ADIPOR2: variants seen among roughly 807,000 people sequenced by gnomAD.
ADIPOR2 encodes the protein adiponectin receptor protein 2.
In ADIPOR2, 18 loss-of-function variants were observed where a neutral mutation model predicts 40.9. That is an observed-to-expected ratio of 0.44 (90% CI 0.30 to 0.65). The LOEUF is 0.65. Ranked by LOEUF, ADIPOR2 falls within the 30% of genes least tolerant of loss-of-function variation. ADIPOR2 has a pLI of 0.09. For synonymous variants in ADIPOR2, 165 were observed against 166.4 expected, an observed-to-expected ratio of 0.99 and a Z score of 0.06; for missense variants, 283 against 479.2, an observed-to-expected ratio of 0.59 and a Z score of 3.82.
chr12:1,775,408 G>T lies in ADIPOR2; in HGVS notation c.292-2446G>T, dbSNP rs182439500. Among the ~76,000 whole-genome samples the T allele has an allele frequency of 1.3e-3, 197 of 152,290 alleles. 1 individual carries two copies. Among genetic ancestry groups the T allele is most frequent in the African/African-American group, 4.5e-3 (188 of 41,556 alleles). Reference sequence around the variant, plus strand: ...CACTAATTGCAGTGTAATTAAGAAAGTATAGCTCCTTGTCTCAGTATTTAG... The same window carrying T: ...CACTAATTGCAGTGTAATTAAGAAATTATAGCTCCTTGTCTCAGTATTTAG... On this transcript the variant is annotated intron_variant, in intron 3 of 7. Transcript: ENST00000357103.
At chr12:1,758,871 A>G (rs1035988814) in intron 2 of ADIPOR2, among the ~76,000 whole-genome samples, 3 of 152,252 alleles carry the variant, frequency 2.0e-5, no homozygotes, top group Admixed American at 6.5e-5. Flanking sequence ...TCTCAAAACT[A>G]TACTCTGAAA....
At chr12:1,720,663 A>T (rs138491241) in intron 1 of ADIPOR2, among the ~76,000 whole-genome samples, 30 of 152,294 alleles carry the variant, frequency 2.0e-4, no homozygotes, top group South Asian at 4.1e-4. Context: ...TAATGCAAGC[A>T]GTGGGGAGCA....
chr12:1,691,098 C>T lies in ADIPOR2; in HGVS notation c.-180C>T. 6.0e-6 allele frequency: 1 copy of T among 165,678 alleles called. No individual in the cohort carries two copies. Among genetic ancestry groups the T allele is most frequent in the South Asian group, 1.3e-4 (1 of 7,720 alleles). The allele number at this position is 165,678 out of a possible 1,614,324, so 10.3% of individuals were successfully genotyped here. A position where few individuals can be genotyped will look rare whatever the true frequency, so the allele number is the denominator to read the frequency against. Reference sequence around the variant, plus strand: ...AGCGGCATCGCGGCGGCGGCAGCGGCGGCGGCTACACCGGGCTTGGCCCCC... The same window carrying T: ...AGCGGCATCGCGGCGGCGGCAGCGGTGGCGGCTACACCGGGCTTGGCCCCC... On this transcript the variant is annotated 5_prime_UTR_variant, in exon 1 of 8. Transcript: ENST00000357103.
intron 1 of ADIPOR2, among the ~76,000 whole-genome samples, chr12:1,726,201 A>AT (rs1207288272): frequency 1.1e-4 from 17 of 150,286 alleles, no homozygotes; most frequent in Middle Eastern, 3.4e-3. Context: ...TAGAGTTGGG[A>AT]TTTTTTTTTT....
intron 2 of ADIPOR2, among the ~76,000 whole-genome samples, chr12:1,761,238 A>G (rs1227918640): frequency 6.6e-6 from 1 of 152,162 alleles, no homozygotes; most frequent in African/African-American, 2.4e-5. Context: ...GGGGGAAACT[A>G]CTGTACTATA....
intron 1 of ADIPOR2, among the ~76,000 whole-genome samples, chr12:1,694,220 G>A (rs2094633297): frequency 6.6e-6 from 1 of 152,204 alleles, no homozygotes; most frequent in Non-Finnish European, 1.5e-5. Flanking sequence ...TTGATTTCAT[G>A]CAGTCTGATT....
chr12:1,736,327 G>A (rs940869093), intron 1 of ADIPOR2, among the ~76,000 whole-genome samples: 2 of 152,180 alleles, frequency 1.3e-5, no homozygotes, highest in African/African-American at 4.8e-5. Context: ...TCTTGGGAGG[G>A]TGTATGTGTC....
At chr12:1,757,783 G>A (rs964189704) in intron 2 of ADIPOR2, 2 of 967,562 alleles carry the variant, frequency 2.1e-6, no homozygotes, top group African/African-American at 1.6e-5. Context: ...GGTTATATGA[G>A]TTCGGACCTT....
At chr12:1,742,531 A>C (rs903204267) in intron 1 of ADIPOR2, among the ~76,000 whole-genome samples, 1 of 152,246 alleles carries the variant, frequency 6.6e-6, no homozygotes, top group African/African-American at 2.4e-5. Context: ...AGTAGAATAC[A>C]GTCATCCTTT....
At chr12:1,753,962 A>G (rs1862058683) in intron 1 of ADIPOR2, among the ~76,000 whole-genome samples, 1 of 152,156 alleles carries the variant, frequency 6.6e-6, no homozygotes, top group Admixed American at 6.5e-5. Context: ...TTCTGTACCA[A>G]GAGTATGGTT....
chr12:1,718,317 C>T (rs2094691643), intron 1 of ADIPOR2, among the ~76,000 whole-genome samples: 1 of 151,890 alleles, frequency 6.6e-6, no homozygotes, highest in African/African-American at 2.4e-5. Flanking sequence ...TTGGGATGGT[C>T]ATCATCATAT....
intron 7 of ADIPOR2, among the ~76,000 whole-genome samples, chr12:1,784,733 A>G (rs539868256): frequency 6.6e-6 from 1 of 152,216 alleles, no homozygotes. Context: ...AGAAGAGGGA[A>G]AAGAAAATAT....
chr12:1,699,000 A>C (rs1362932018), intron 1 of ADIPOR2, among the ~76,000 whole-genome samples: 4 of 152,210 alleles, frequency 2.6e-5, no homozygotes, highest in Non-Finnish European at 5.9e-5. Flanking sequence ...TGGAGCATGC[A>C]TTCTGTTCCC....
intron 1 of ADIPOR2, among the ~76,000 whole-genome samples, chr12:1,707,005 G>A (rs1170406438): frequency 6.6e-6 from 1 of 152,146 alleles, no homozygotes; most frequent in African/African-American, 2.4e-5. Context: ...AAAACTTTGT[G>A]TGTGTAAATG....
chr12:1,702,057 G>T (rs1306158543), intron 1 of ADIPOR2, among the ~76,000 whole-genome samples: 2 of 152,114 alleles, frequency 1.3e-5, no homozygotes, highest in Non-Finnish European at 2.9e-5. Context: ...GGGAGGCAGA[G>T]GTTTCAGTGA....
Position 1,787,137 on chromosome 12 carries a change from C to T in ADIPOR2, c.*1065C>T, listed in dbSNP as rs1862853953. On this transcript the variant is annotated 3_prime_UTR_variant, in exon 8 of 8. Transcript: ENST00000357103. Reference sequence around the variant, plus strand: ...AATTTCCCTCTATTAAAAATCACTGCCCTAACTACACTTCCTCCTTGAGGG... The same window carrying T: ...AATTTCCCTCTATTAAAAATCACTGTCCTAACTACACTTCCTCCTTGAGGG... 6.6e-6 allele frequency: 1 copy of T among 152,182 alleles called. No individual in the cohort carries two copies. Among genetic ancestry groups the T allele is most frequent in the Non-Finnish European group, 1.5e-5 (1 of 68,038 alleles). The allele number at this position is 152,182 out of a possible 1,614,324, so 9.4% of individuals were successfully genotyped here.
At chr12:1,724,813 C>A (rs111973353) in intron 1 of ADIPOR2, among the ~76,000 whole-genome samples, 1,790 of 152,184 alleles carry the variant, frequency 0.012, 43 homozygotes, top group African/African-American at 0.041. Context: ...ATCACAGCCT[C>A]CCAAGTAGCT....
chr12:1,722,019 CA>C (rs1217936077), intron 1 of ADIPOR2, among the ~76,000 whole-genome samples: 1 of 152,096 alleles, frequency 6.6e-6, no homozygotes, highest in Non-Finnish European at 1.5e-5. Context: ...AGGGCTGTAG[CA>C]GGGGGAACGC....
At chr12:1,746,091 A>G (rs1395437450) in intron 1 of ADIPOR2, among the ~76,000 whole-genome samples, 2 of 152,200 alleles carry the variant, frequency 1.3e-5, no homozygotes, top group Non-Finnish European at 2.9e-5. Context: ...AATATGATCT[A>G]TTTTAGGTCT....
Sources: allele counts gnomAD v4.1 joint callset (sites outside exome capture counted in the v4.1 genomes callset), GRCh38; gene constraint gnomAD v4.1.1; transcripts MANE v1.5; gene names NCBI Gene and HGNC (gene_info 2026-07-23, HGNC 2026-07-21).